Variants in LEF1 observed in about 807,000 individuals in gnomAD.
The protein encoded by LEF1 is lymphoid enhancer-binding factor 1.
In LEF1, 14 loss-of-function variants were observed where a neutral mutation model predicts 51.2. The ratio of observed to expected loss-of-function variants is 0.27; its 90% CI spans 0.18 to 0.43. The LOEUF (loss-of-function observed/expected upper bound fraction) is 0.43. Ranked by LOEUF, LEF1 falls within the 20% of genes least tolerant of loss-of-function variation. LEF1 has a pLI of 1.00. For synonymous variants in LEF1, 185 were observed against 183.2 expected, an observed-to-expected ratio of 1.01 and a Z score of -0.08; for missense variants, 386 against 512.0, an observed-to-expected ratio of 0.75 and a Z score of 2.37.
chr4:108,130,965 G>C (rs1742843974), intron 3 of LEF1, among the ~76,000 whole-genome samples: 2 of 151,964 alleles, frequency 1.3e-5, no homozygotes, highest in Non-Finnish European at 2.9e-5. Context: ...AAATCACCTA[G>C]GAAGCTTTTC....
At chr4:108,058,105 A>G (rs1737428266) in intron 11 of LEF1, among the ~76,000 whole-genome samples, 1 of 151,918 alleles carries the variant, frequency 6.6e-6, no homozygotes, top group African/African-American at 2.4e-5. Context: ...CGAACTCCTG[A>G]CCTCATGATC....
intron 3 of LEF1, among the ~76,000 whole-genome samples, chr4:108,090,813 T>C (rs1414180040): frequency 1.3e-5 from 2 of 152,202 alleles, no homozygotes; most frequent in African/African-American, 4.8e-5. Flanking sequence ...CGTATTTTTA[T>C]ACCCATTAAC....
At chr4:108,140,911 A>C (rs1743604507) in intron 3 of LEF1, among the ~76,000 whole-genome samples, 1 of 152,228 alleles carries the variant, frequency 6.6e-6, no homozygotes, top group Non-Finnish European at 1.5e-5. Context: ...AGATGGTACA[A>C]CTGACAAAAA....
chr4:108,097,600 A>G (rs1004163327), intron 3 of LEF1, among the ~76,000 whole-genome samples: 2 of 152,338 alleles, frequency 1.3e-5, no homozygotes, highest in African/African-American at 4.8e-5. Context: ...TCCTAACACA[A>G]TGAAATGATA....
At chr4:108,166,374 G>C in intron 1 of LEF1, 1 of 1,476,548 alleles carries the variant, frequency 6.8e-7, no homozygotes, top group Non-Finnish European at 8.9e-7. Context: ...TCTTTTTGGG[G>C]GTAGAAAGAT....
rs565657502 is a variant in LEF1 at position 108,167,203 on chromosome 4, T to C, written c.213+352A>G. Among the ~76,000 whole-genome samples the C allele has an allele frequency of 8.5e-5, 13 of 152,206 alleles. No individual in the cohort carries two copies. The South Asian group carries it at 2.1e-3, about 24-fold the overall frequency. ...TATCAGTAGCGTTATTCAGCCCTAC[T>C]CGCTTTAAAGCACGGCACCCCTCAG... On this transcript the variant is annotated intron_variant, in intron 1 of 11. Transcript: ENST00000265165. The surrounding 1 kb of genome is among the most constrained non-coding windows in gnomAD (Gnocchi z 5.7).
At chr4:108,154,536 T>G (rs966855099) in intron 3 of LEF1, among the ~76,000 whole-genome samples, 4 of 150,802 alleles carry the variant, frequency 2.7e-5, no homozygotes, top group African/African-American at 4.9e-5. Flanking sequence ...AAAATTCTAA[T>G]GTATGAATAC....
At chr4:108,080,000 C>A (rs757686249) in intron 6 of LEF1, among the ~76,000 whole-genome samples, 1 of 152,188 alleles carries the variant, frequency 6.6e-6, no homozygotes, top group Admixed American at 6.5e-5. Flanking sequence ...ATATTATTGG[C>A]TTCCTCATCC....
intron 3 of LEF1, among the ~76,000 whole-genome samples, chr4:108,089,665 G>A (rs1739880702): frequency 1.3e-5 from 2 of 152,060 alleles, no homozygotes; most frequent in Non-Finnish European, 2.9e-5. Flanking sequence ...ACATATGTCT[G>A]GCACAAAAAG....
chr4:108,121,014 T>C (rs1014310696), intron 3 of LEF1, among the ~76,000 whole-genome samples: 1 of 152,236 alleles, frequency 6.6e-6, no homozygotes, highest in Non-Finnish European at 1.5e-5. Context: ...AACTCAATCA[T>C]ACTGGTGTTT....
At chr4:108,057,628 G>A (rs1737395887) in intron 11 of LEF1, among the ~76,000 whole-genome samples, 1 of 152,048 alleles carries the variant, frequency 6.6e-6, no homozygotes, top group Non-Finnish European at 1.5e-5. Context: ...CAGCTCTGTA[G>A]CACAGCTTCA....
At chr4:108,107,873 T>C (rs1283501122) in intron 3 of LEF1, among the ~76,000 whole-genome samples, 1 of 151,584 alleles carries the variant, frequency 6.6e-6, no homozygotes, top group Admixed American at 6.6e-5. Flanking sequence ...GGCACATAAC[T>C]CAAAAGGACA....
intron 3 of LEF1, among the ~76,000 whole-genome samples, chr4:108,092,630 C>T (rs989445597): frequency 4.6e-5 from 7 of 152,080 alleles, no homozygotes; most frequent in Non-Finnish European, 7.4e-5. Context: ...CATTTAATCT[C>T]CTAATAAAAT....
intron 9 of LEF1, among the ~76,000 whole-genome samples, chr4:108,065,929 C>T (rs935613049): frequency 2.6e-4 from 39 of 151,958 alleles, no homozygotes; most frequent in African/African-American, 8.0e-4. Flanking sequence ...TTATTTGAGA[C>T]GGAGTCTTTG....
chr4:108,103,370 T>G (rs1740946994), intron 3 of LEF1, among the ~76,000 whole-genome samples: 1 of 152,222 alleles, frequency 6.6e-6, no homozygotes, highest in South Asian at 2.1e-4. Flanking sequence ...TGTAAGCTAT[T>G]CTTGCATATT....
At chr4:108,149,073 T>C (rs1439169145) in intron 3 of LEF1, among the ~76,000 whole-genome samples, 1 of 152,190 alleles carries the variant, frequency 6.6e-6, no homozygotes, top group African/African-American at 2.4e-5. Flanking sequence ...TTTTGAACCA[T>C]TATTTCATGA....
chr4:108,096,686 C>T (rs1318817696), intron 3 of LEF1, among the ~76,000 whole-genome samples: 2 of 152,218 alleles, frequency 1.3e-5, no homozygotes, highest in Non-Finnish European at 1.5e-5. Context: ...TTGCAAACTA[C>T]CCATCTGACA....
At position 108,118,882 on chromosome 4, in the gene LEF1, G is replaced by A. The variant is rs187697226; in HGVS notation, c.415-29625C>T. 2.2e-4 allele frequency among the ~76,000 whole-genome samples: 34 copies of A among 151,514 alleles called. No homozygotes were observed. The East Asian group carries it at 5.2e-3, about 23-fold the overall frequency. On this transcript the variant is annotated intron_variant, in intron 3 of 11. Coordinates refer to ENST00000265165, the MANE Select transcript of LEF1 (RefSeq NM_016269.5). ...TTTGTTTTACATAATTTGTTGTTACGGTCTAATCTATTCTTGAGCTTCTTT... is the reference window on the plus strand; with the variant it reads ...TTTGTTTTACATAATTTGTTGTTACAGTCTAATCTATTCTTGAGCTTCTTT...
At chr4:108,130,351 C>G (rs1185220820) in intron 3 of LEF1, among the ~76,000 whole-genome samples, 1 of 152,124 alleles carries the variant, frequency 6.6e-6, no homozygotes, top group Non-Finnish European at 1.5e-5. Context: ...AGAATGCTCT[C>G]TTATGTTACT....
Sources: gnomAD v4.1 joint callset for allele counts (sites outside exome capture counted in the v4.1 genomes callset) on GRCh38, gnomAD v4.1.1 for gene constraint, Gnocchi (gnomAD v3.1) non-coding constraint, MANE v1.5 for transcripts, NCBI Gene and HGNC (gene_info 2026-07-23, HGNC 2026-07-21) for gene names.